The following SPIN1 variants were observed in gnomAD, a reference collection of about 807,000 sequenced individuals.
SPIN1 encodes the protein spindlin 1.
Under a neutral mutation model 26.0 loss-of-function variants are expected in SPIN1, and 3 were observed. The ratio of observed to expected loss-of-function variants is 0.12; its 90% CI spans 0.05 to 0.30. The LOEUF (loss-of-function observed/expected upper bound fraction) is 0.30. SPIN1 is among the 10% of genes least tolerant of loss of function. SPIN1 has a pLI of 1.00. For missense variants in SPIN1, 126 were observed against 333.4 expected, an observed-to-expected ratio of 0.38 and a Z score of 4.84; for synonymous variants, 101 against 116.5, an observed-to-expected ratio of 0.87 and a Z score of 0.86.
At chr9:88,430,342 G>A (rs1043540787) in intron 2 of SPIN1, among the ~76,000 whole-genome samples, 14 of 152,300 alleles carry the variant, frequency 9.2e-5, no homozygotes, top group African/African-American at 3.4e-4. Context: ...CTTCCAGATA[G>A]TATCCCTAAG....
At chr9:88,392,950 C>T (rs1490940556) in intron 1 of SPIN1, among the ~76,000 whole-genome samples, 1 of 152,024 alleles carries the variant, frequency 6.6e-6, no homozygotes, top group African/African-American at 2.4e-5. Context: ...CAGAGGGAAA[C>T]CATTGAAAGC....
intron 1 of SPIN1, among the ~76,000 whole-genome samples, chr9:88,394,657 A>G (rs868144408): frequency 3.7e-4 from 56 of 152,276 alleles, no homozygotes; most frequent in African/African-American, 1.3e-3. Context: ...TTTCCTTAAA[A>G]TATATCCACA....
At chr9:88,410,842 C>T in intron 1 of SPIN1, 7 of 918,458 alleles carry the variant, frequency 7.6e-6, no homozygotes, top group Admixed American at 5.1e-5. Flanking sequence ...CCCACTGAAA[C>T]CACCTCCACG....
In SPIN1 at chr9:88,478,635, T is replaced by C. The variant is rs566667696; in HGVS notation, c.*3358T>C. The C allele has an allele frequency of 6.6e-6, 1 of 152,346 alleles. No individual in the cohort carries two copies. Among genetic ancestry groups the C allele is most frequent in the Admixed American group, 6.5e-5 (1 of 15,300 alleles). 9.4% of individuals were successfully genotyped at this position (152,346 alleles called of 1,614,324 possible). On this transcript the variant is annotated 3_prime_UTR_variant, in exon 6 of 6. Transcript: ENST00000375859. ...CTGTTAATTCTGTAAGTAATTTTTA[T>C]AATTATGATGTAACTCTATCTTATC... is the stretch of plus-strand genomic sequence containing the variant.
intron 2 of SPIN1, among the ~76,000 whole-genome samples, chr9:88,431,715 A>G (rs1019297445): frequency 6.6e-6 from 1 of 152,080 alleles, no homozygotes; most frequent in African/African-American, 2.4e-5. Context: ...CTGTTAGTGT[A>G]TATCTTTTTC....
intron 5 of SPIN1, among the ~76,000 whole-genome samples, chr9:88,473,709 G>T (rs1264412363): frequency 6.6e-6 from 1 of 151,980 alleles, no homozygotes; most frequent in Non-Finnish European, 1.5e-5. Flanking sequence ...GTGATGCTCT[G>T]ATCTAATGAT....
chr9:88,405,103 G>A (rs1827268149), intron 1 of SPIN1, among the ~76,000 whole-genome samples: 1 of 152,066 alleles, frequency 6.6e-6, no homozygotes, highest in African/African-American at 2.4e-5. Flanking sequence ...CTGTTTTACA[G>A]TTAACTTTTT....
chr9:88,389,858 T>TA (rs755676322), intron 1 of SPIN1, among the ~76,000 whole-genome samples: 12 of 152,200 alleles, frequency 7.9e-5, no homozygotes, highest in Non-Finnish European at 1.3e-4. Flanking sequence ...GAGTTTTTTT[T>TA]AACACTCTTT....
At chr9:88,470,378 T>G (rs1405536749) in intron 5 of SPIN1, among the ~76,000 whole-genome samples, 1 of 152,166 alleles carries the variant, frequency 6.6e-6, no homozygotes, top group Non-Finnish European at 1.5e-5. Flanking sequence ...TTTAATCGTT[T>G]GGGGGAACTG....
At chr9:88,404,000 T>C (rs531757933) in intron 1 of SPIN1, among the ~76,000 whole-genome samples, 2 of 152,350 alleles carry the variant, frequency 1.3e-5, no homozygotes, top group African/African-American at 4.8e-5. Flanking sequence ...ACACTTAGGC[T>C]AAATGGTAAG....
intron 5 of SPIN1, among the ~76,000 whole-genome samples, chr9:88,470,290 T>C (rs1011502286): frequency 1.3e-5 from 2 of 152,238 alleles, no homozygotes; most frequent in Non-Finnish European, 1.5e-5. Context: ...TTTGTACAAG[T>C]TTCTGTGTGG....
chr9:88,442,653 G>A (rs1828160878), intron 2 of SPIN1, among the ~76,000 whole-genome samples: 1 of 151,846 alleles, frequency 6.6e-6, no homozygotes, highest in Admixed American at 6.6e-5. Flanking sequence ...CCAAAGTGCT[G>A]GGATTACAGG....
intron 2 of SPIN1, among the ~76,000 whole-genome samples, chr9:88,435,158 G>T (rs1383141929): frequency 6.6e-6 from 1 of 150,978 alleles, no homozygotes; most frequent in East Asian, 1.9e-4. Flanking sequence ...GTATGATTTT[G>T]TGAGATCTCA....
intron 2 of SPIN1, among the ~76,000 whole-genome samples, chr9:88,438,776 G>C (rs1405819464): frequency 6.6e-6 from 1 of 152,172 alleles, no homozygotes; most frequent in African/African-American, 2.4e-5. Flanking sequence ...TAACTCACGT[G>C]ATTCCACAAT....
At chr9:88,474,645 A>C (rs932341255) in intron 5 of SPIN1, among the ~76,000 whole-genome samples, 1 of 152,202 alleles carries the variant, frequency 6.6e-6, no homozygotes, top group Non-Finnish European at 1.5e-5. Flanking sequence ...CTTTCAAATT[A>C]TATTTCAAAG....
At chr9:88,468,054 C>CA (rs1443750312) in intron 4 of SPIN1, among the ~76,000 whole-genome samples, 2 of 152,040 alleles carry the variant, frequency 1.3e-5, no homozygotes, top group African/African-American at 4.8e-5. Flanking sequence ...GTATTTTATA[C>CA]CTTGAATGAA....
At chr9:88,403,917 T>C (rs1333477766) in intron 1 of SPIN1, among the ~76,000 whole-genome samples, 5 of 152,176 alleles carry the variant, frequency 3.3e-5, no homozygotes, top group African/African-American at 1.2e-4. Flanking sequence ...TGAGAATATG[T>C]TCTGAGAACT....
At chr9:88,420,750 C>T (rs189990131) in intron 1 of SPIN1, among the ~76,000 whole-genome samples, 5 of 152,286 alleles carry the variant, frequency 3.3e-5, no homozygotes, top group African/African-American at 1.2e-4. Flanking sequence ...TCTTTTCCAA[C>T]ATTTTACAAA....
chr9:88,410,069 A>G (rs1023851265), intron 1 of SPIN1, among the ~76,000 whole-genome samples: 1 of 152,008 alleles, frequency 6.6e-6, no homozygotes, highest in Non-Finnish European at 1.5e-5. Context: ...CAGGGACCAA[A>G]GTGGTTATAA....
Sources: allele counts gnomAD v4.1 joint callset (sites outside exome capture counted in the v4.1 genomes callset), GRCh38; gene constraint gnomAD v4.1.1; transcripts MANE v1.5; gene names NCBI Gene and HGNC (gene_info 2026-07-23, HGNC 2026-07-21).